The following MORC1 variants were observed in gnomAD, a reference collection of about 807,000 sequenced individuals.
MORC1 encodes MORC family CW-type zinc finger protein 1.
MORC1 carries 59 observed loss-of-function variants against 134.9 expected under a neutral mutation model. The observed-to-expected ratio is 0.44, with a 90% CI of 0.35 to 0.54. MORC1 has a LOEUF of 0.54. Among genes scored for constraint, MORC1 ranks in the 20% least tolerant of loss-of-function variants. The pLI is 0.00. For missense variants in MORC1, 947 were observed against 1,134.5 expected, an observed-to-expected ratio of 0.83 and a Z score of 2.37; for synonymous variants, 395 against 391.7, an observed-to-expected ratio of 1.01 and a Z score of -0.10.
chr3:109,010,533 G>C (rs914666613), intron 17 of MORC1, among the ~76,000 whole-genome samples: 6 of 152,026 alleles, frequency 3.9e-5, no homozygotes, highest in African/African-American at 1.4e-4. Flanking sequence ...GCTTTAGTGA[G>C]ATATAGTTGA....
intron 1 of MORC1, among the ~76,000 whole-genome samples, chr3:109,117,331 CAAAAAA>C (rs202128565): frequency 0.044 from 4,955 of 113,636 alleles, 289 homozygotes; most frequent in African/African-American, 0.15. Context: ...CAAAAGATGT[CAAAAAA>C]AAAAAAAAAA....
intron 23 of MORC1, among the ~76,000 whole-genome samples, chr3:108,983,331 G>A (rs1947802821): frequency 6.6e-6 from 1 of 152,106 alleles, no homozygotes; most frequent in African/African-American, 2.4e-5. Flanking sequence ...CTCATGGAGT[G>A]CATTGGCATC....
chr3:109,061,930 G>A, intron 11 of MORC1, 58 bp downstream of exon 11: 2 of 1,491,658 alleles, frequency 1.3e-6, no homozygotes, highest in South Asian at 2.3e-5. Context: ...CTATGCACAG[G>A]AAAAAGCAAA....
intron 4 of MORC1, chr3:109,101,631 G>C (rs1407768478): frequency 6.6e-6 from 1 of 152,076 alleles, no homozygotes; most frequent in African/African-American, 2.4e-5. Flanking sequence ...TCCTATGAGG[G>C]GTTAGGCATT....
intron 14 of MORC1, among the ~76,000 whole-genome samples, chr3:109,046,362 T>C (rs1203057667): frequency 6.6e-6 from 1 of 152,230 alleles, no homozygotes; most frequent in East Asian, 1.9e-4. Flanking sequence ...TTTGACCTTC[T>C]TTTTTTAGGT....
chr3:109,057,205 G>T, intron 13 of MORC1, 138 bp downstream of exon 13: 1 of 823,904 alleles, frequency 1.2e-6, no homozygotes, highest in Non-Finnish European at 1.7e-6. Flanking sequence ...ATTAATGCCT[G>T]CACTTCAACA....
chr3:108,991,396 G>A (rs549966507), intron 21 of MORC1, among the ~76,000 whole-genome samples: 1 of 152,308 alleles, frequency 6.6e-6, no homozygotes, highest in South Asian at 2.1e-4. Context: ...GATGGGTTGA[G>A]TGCAGGATGA....
chr3:108,978,562 A>G (rs2107435314), intron 24 of MORC1, among the ~76,000 whole-genome samples: 1 of 152,252 alleles, frequency 6.6e-6, no homozygotes, highest in South Asian at 2.1e-4. Context: ...ATTGAGTTCA[A>G]GTCTACTGGG....
chr3:109,082,240 G>A (rs1309278995), intron 8 of MORC1, among the ~76,000 whole-genome samples: 2 of 148,852 alleles, frequency 1.3e-5, no homozygotes, highest in African/African-American at 2.5e-5. Context: ...AGCAACCTAG[G>A]AGAAAAATTT....
rs1022267749 is a variant in MORC1, at chr3:108,958,863, A to C, written c.*102T>G. Reference sequence around the variant, plus strand: ...ATTATTTCTTATTTCTTATTGTTAAACAGAATAGACTTTACAGTAACAACA... The same window carrying C: ...ATTATTTCTTATTTCTTATTGTTAACCAGAATAGACTTTACAGTAACAACA... On this transcript the variant is annotated 3_prime_UTR_variant, in exon 28 of 28. Transcript: ENST00000232603. The C allele has an allele frequency of 3.1e-5, 22 of 716,276 alleles. No individual in the cohort carries two copies. Among genetic ancestry groups the C allele is most frequent in the Non-Finnish European group, 3.6e-5 (17 of 474,898 alleles). 44.4% of individuals were successfully genotyped at this position (716,276 alleles called of 1,614,324 possible). A position where few individuals can be genotyped will look rare whatever the true frequency, so the allele number is the denominator to read the frequency against.
chr3:109,098,486 C>A (rs1289768473), intron 6 of MORC1, among the ~76,000 whole-genome samples: 1 of 152,164 alleles, frequency 6.6e-6, no homozygotes, highest in Non-Finnish European at 1.5e-5. Context: ...GTCTCACAGT[C>A]CTACACCGTC....
chr3:109,068,339 CT>C (rs1225522062), intron 9 of MORC1, among the ~76,000 whole-genome samples: 1 of 152,156 alleles, frequency 6.6e-6, no homozygotes, highest in African/African-American at 2.4e-5. Flanking sequence ...AATATGTTGT[CT>C]TTTATCCCTT....
chr3:109,035,789 T>C (rs1157019013), intron 14 of MORC1, among the ~76,000 whole-genome samples: 7 of 152,200 alleles, frequency 4.6e-5, no homozygotes, highest in African/African-American at 1.7e-4. Context: ...TAAAGCATTG[T>C]TCTTAAGCAT....
At chr3:109,097,292 C>T (rs1478415635) in intron 6 of MORC1, among the ~76,000 whole-genome samples, 4 of 152,126 alleles carry the variant, frequency 2.6e-5, no homozygotes, top group Non-Finnish European at 5.9e-5. Context: ...GCAAAACCTT[C>T]GAAATCCTGA....
At position 109,000,666 on chromosome 3, in the gene MORC1, A is replaced by G. The variant is rs765934409; in HGVS notation, c.2086-8T>C. The G allele has an allele frequency of 6.2e-7, 1 of 1,601,446 alleles. No homozygotes were observed. The highest frequency in any genetic ancestry group is 8.5e-7 in the Non-Finnish European group (1 of 1,173,366). ...CATTTCCCAAGAAGCGGCCTATAAC[A>G]AGGAATTAACAAAAAAAATACAAGG... On this transcript the variant is annotated splice_region_variant and splice_polypyrimidine_tract_variant and intron_variant, in intron 20 of 27. Transcript: ENST00000232603.
At position 109,063,167 on chromosome 3, in the gene MORC1, C is replaced by A; in HGVS notation, c.880G>T (p.Glu294Ter). 1 of 1,599,670 alleles carries A rather than the reference C, an allele frequency of 6.3e-7. No individual in the cohort carries two copies. Among genetic ancestry groups the A allele is most frequent in the Non-Finnish European group, 8.6e-7 (1 of 1,168,250 alleles). Residue 294 changes from glutamate (E) to a stop codon, truncating the protein, a stop_gained, in exon 10 of 28, where the codon GAA becomes TAA. Coordinates refer to ENST00000232603, the MANE Select transcript of MORC1 (RefSeq NM_014429.4). LOFTEE classifies it high-confidence loss of function. ...AFKDEVKKAE[E>*]AVKIAESILK... ...AATCGCATACCAATCTTTACTGCTTCTTCTGCCTTTTTAACTTCATCTTTA... is the reference window on the plus strand; with the variant it reads ...AATCGCATACCAATCTTTACTGCTTATTCTGCCTTTTTAACTTCATCTTTA...
At chr3:108,984,616 T>C (rs562711896) in intron 23 of MORC1, 100 bp downstream of exon 23, 1 of 909,398 alleles carries the variant, frequency 1.1e-6, no homozygotes, top group African/African-American at 1.7e-5. Context: ...ATTGCTTTTG[T>C]TGCTATTATT....
intron 24 of MORC1, among the ~76,000 whole-genome samples, chr3:108,977,398 T>G (rs1947591643): frequency 6.6e-6 from 1 of 152,192 alleles, no homozygotes; most frequent in Non-Finnish European, 1.5e-5. Flanking sequence ...CTATTATTTT[T>G]ATGGAGACAG....
In MORC1 at chr3:109,011,524, GT is replaced by G. The variant is rs577815272; in HGVS notation, c.1705-4434del. Among the ~76,000 whole-genome samples the G allele has an allele frequency of 5.3e-3, 726 of 138,252 alleles. 2 individuals carry two copies. The highest frequency in any genetic ancestry group is 0.021 in the South Asian group (90 of 4,288). The allele number at this position is 138,252 out of a possible 152,430, so 90.7% of individuals were successfully genotyped here. On this transcript the variant is annotated intron_variant, in intron 17 of 27. Coordinates refer to ENST00000232603, the MANE Select transcript of MORC1 (RefSeq NM_014429.4). ...ATTATTGTTTTTGTGCTTTGTTTTT[GT>G]TTTTTTTTTTTTTGAGATGGAGTTT...
Sources: gnomAD v4.1 joint callset for allele counts (sites outside exome capture counted in the v4.1 genomes callset) on GRCh38, gnomAD v4.1.1 for gene constraint, MANE v1.5 for transcripts, NCBI Gene and HGNC (gene_info 2026-07-23, HGNC 2026-07-21) for gene names.